Variants in RRM1 observed in about 807,000 individuals in gnomAD.
RRM1 encodes the protein ribonucleotide reductase catalytic subunit M1, also known as ribonucleoside-diphosphate reductase large subunit.
Under a neutral mutation model 101.5 loss-of-function variants are expected in RRM1, and 19 were observed. The observed-to-expected ratio is 0.19, with a 90% CI of 0.13 to 0.27. The LOEUF (loss-of-function observed/expected upper bound fraction) is 0.27. Ranked by LOEUF, RRM1 falls within the 10% of genes least tolerant of loss-of-function variation. The probability of loss-of-function intolerance (pLI) is 1.00; values close to 1 mark genes in which losing one functional copy is unlikely to be tolerated. For synonymous variants in RRM1, 298 were observed against 323.4 expected, an observed-to-expected ratio of 0.92 and a Z score of 0.84; for missense variants, 500 against 962.9, an observed-to-expected ratio of 0.52 and a Z score of 6.36.
At chr11:4,109,319 T>G (rs1451153624) in intron 4 of RRM1, among the ~76,000 whole-genome samples, 1 of 151,982 alleles carries the variant, frequency 6.6e-6, no homozygotes, top group Non-Finnish European at 1.5e-5. Context: ...TATGCTCATG[T>G]TTTTTCCCTC....
intron 1 of RRM1, among the ~76,000 whole-genome samples, chr11:4,101,479 A>AT (rs1324904941): frequency 7.0e-6 from 1 of 142,800 alleles, no homozygotes; most frequent in African/African-American, 2.6e-5. Flanking sequence ...TGCCCAGCTA[A>AT]TTTTTTGTAT....
At chr11:4,118,491 G>C in intron 8 of RRM1, 30 bp downstream of exon 8, 1 of 1,612,668 alleles carries the variant, frequency 6.2e-7, no homozygotes, top group East Asian at 2.2e-5. Flanking sequence ...CTTTTAAAGG[G>C]GGATTCAAGT....
chr11:4,122,567 T>G (rs570817681), intron 11 of RRM1, among the ~76,000 whole-genome samples: 1 of 152,250 alleles, frequency 6.6e-6, no homozygotes, highest in East Asian at 1.9e-4. Context: ...GACACATATG[T>G]CAGTAGTTTA....
In RRM1 at chr11:4,138,178, C is replaced by T. The variant is rs2094617471; in HGVS notation, c.2191-17C>T. ...TCACAGAGTTTCTCCTAATAATTGTCTTTACTTTCCTTGTAGGGTTTGAAG... is the reference window on the plus strand; with the variant it reads ...TCACAGAGTTTCTCCTAATAATTGTTTTTACTTTCCTTGTAGGGTTTGAAG... On this transcript the variant is annotated splice_polypyrimidine_tract_variant and intron_variant, in intron 18 of 18. Coordinates refer to ENST00000300738, the MANE Select transcript of RRM1 (RefSeq NM_001033.5). The T allele has an allele frequency of 1.4e-6, 2 of 1,430,072 alleles. No homozygotes were observed. The highest frequency in any genetic ancestry group is 1.3e-5 in the South Asian group (1 of 78,290). 88.6% of individuals were successfully genotyped at this position (1,430,072 alleles called of 1,614,324 possible).
chr11:4,125,415 T>C (rs985266239), intron 12 of RRM1, among the ~76,000 whole-genome samples: 5 of 152,222 alleles, frequency 3.3e-5, no homozygotes, highest in African/African-American at 1.2e-4. Flanking sequence ...CATGTTCTTT[T>C]ATTCATGTTG....
intron 12 of RRM1, 80 bp downstream of exon 12, chr11:4,123,464 C>A: frequency 8.7e-7 from 1 of 1,145,512 alleles, no homozygotes; most frequent in Non-Finnish European, 1.3e-6. Context: ...CACTTGATTT[C>A]ACTTGAGATA....
chr11:4,102,855 T>G (rs1565179177), intron 2 of RRM1, among the ~76,000 whole-genome samples: 1 of 152,342 alleles, frequency 6.6e-6, no homozygotes, highest in East Asian at 1.9e-4. Flanking sequence ...CCTTTATAAC[T>G]TCTGTATTCT....
chr11:4,103,932 C>T (rs551537248), intron 2 of RRM1, among the ~76,000 whole-genome samples: 4 of 137,028 alleles, frequency 2.9e-5, no homozygotes, highest in African/African-American at 1.1e-4. Context: ...TGCCTGCCCT[C>T]AACCCTGTTT....
intron 10 of RRM1, 146 bp downstream of exon 10, chr11:4,121,911 G>C: frequency 1.3e-6 from 1 of 790,018 alleles, no homozygotes; most frequent in Non-Finnish European, 2.0e-6. Flanking sequence ...TGCCGTGCTT[G>C]TCTTCTTATA....
rs979328700 is a variant in RRM1 at position 4,132,292 on chromosome 11, T to C, written c.1776T>C (p.Gly592=). 2.5e-6 allele frequency: 4 copies of C among 1,614,122 alleles called. No homozygotes were observed. The highest frequency in any genetic ancestry group is 1.7e-6 in the Non-Finnish European group (2 of 1,179,970). ...ATAATCTCCTTTTCTTTAGGTATGG[T>C]ATAAGAAACAGTTTACTTATTGCCC... ...KVLKEKIAKY[G]IRNSLLIAPM... The change falls in exon 16 of 19, where the codon GGT becomes GGC. Residue 592 remains glycine, a synonymous_variant. Transcript: ENST00000300738. The surrounding 1 kb of genome is among the most constrained non-coding windows in gnomAD (Gnocchi z 4.1).
At chr11:4,123,968 T>TAAA (rs1247641855) in intron 12 of RRM1, among the ~76,000 whole-genome samples, 4 of 152,044 alleles carry the variant, frequency 2.6e-5, no homozygotes, top group Admixed American at 6.6e-5. Flanking sequence ...TTTGGTGTTT[T>TAAA]AAAAAAAAGT....
chr11:4,107,661 T>G, intron 4 of RRM1, 126 bp downstream of exon 4: 1 of 624,346 alleles, frequency 1.6e-6, no homozygotes, highest in Non-Finnish European at 2.8e-6. Context: ...CCCTGATTCC[T>G]GATTTTCCTC....
chr11:4,128,915 C>T (rs2133317528), intron 14 of RRM1, among the ~76,000 whole-genome samples, 159 bp from the exon 15 acceptor site: 1 of 151,812 alleles, frequency 6.6e-6, no homozygotes, highest in South Asian at 2.1e-4. Flanking sequence ...GAATTTTGTC[C>T]AGGAAAATCT....
intron 11 of RRM1, 110 bp from the exon 12 acceptor site, chr11:4,123,071 CTT>C (rs1205747955): frequency 1.2e-6 from 1 of 842,320 alleles, no homozygotes; most frequent in East Asian, 2.7e-5. Context: ...TTTAGCAAAA[CTT>C]AGAGAAAATT....
chr11:4,119,441 T>C lies in RRM1; in HGVS notation c.793-404T>C, dbSNP rs979868938. Among the ~76,000 whole-genome samples, 5 of 152,238 alleles carry C rather than the reference T, an allele frequency of 3.3e-5. No homozygotes were observed. The East Asian group carries it at 9.6e-4, about 29-fold the overall frequency. On this transcript the variant is annotated intron_variant, in intron 8 of 18. Coordinates refer to ENST00000300738, the MANE Select transcript of RRM1 (RefSeq NM_001033.5). ...GCCCTGATATAGCTATCGCATATAA[T>C]TCTTATTGTAAATTGCCTTGATTTC...
intron 18 of RRM1, among the ~76,000 whole-genome samples, chr11:4,136,806 G>A (rs11031082): frequency 0.065 from 9,916 of 151,828 alleles, 433 homozygotes; most frequent in African/African-American, 0.12. Context: ...ATTCTTGGGT[G>A]TTTCTCACAG....
Position 4,118,474 on chromosome 11 carries a change from C to G in RRM1, c.792+13C>G. ...CTACATTGCTGGGGTAGGTTTCTGC[C>G]ATTTGACTTTTAAAGGGGGATTCAA... On this transcript the variant is annotated intron_variant, in intron 8 of 18. Transcript: ENST00000300738. The G allele has an allele frequency of 6.2e-7, 1 of 1,613,530 alleles. No homozygotes were observed. The highest frequency in any genetic ancestry group is 1.1e-5 in the South Asian group (1 of 90,938).
chr11:4,125,777 C>G (rs1327097113), intron 12 of RRM1, among the ~76,000 whole-genome samples: 2 of 152,194 alleles, frequency 1.3e-5, no homozygotes, highest in Non-Finnish European at 2.9e-5. Context: ...CCAGTACTCT[C>G]TGTCTTCTTT....
At chr11:4,116,907 C>T (rs1319515748) in intron 7 of RRM1, among the ~76,000 whole-genome samples, 1 of 151,380 alleles carries the variant, frequency 6.6e-6, no homozygotes, top group Non-Finnish European at 1.5e-5. Context: ...GTCAAAGCTG[C>T]TGTGAGCTAT....
Sources: gnomAD v4.1 joint callset for allele counts (sites outside exome capture counted in the v4.1 genomes callset) on GRCh38, gnomAD v4.1.1 for gene constraint, Gnocchi (gnomAD v3.1) non-coding constraint, MANE v1.5 for transcripts, NCBI Gene and HGNC (gene_info 2026-07-23, HGNC 2026-07-21) for gene names.